Variants in MRPL19 observed in about 807,000 individuals in gnomAD.
The protein encoded by MRPL19 is large ribosomal subunit protein bL19m.
Under a neutral mutation model 34.0 loss-of-function variants are expected in MRPL19, and 31 were observed. The observed-to-expected ratio is 0.91, with a 90% confidence interval of 0.68 to 1.23. MRPL19 has a LOEUF of 1.23. Among genes scored for constraint, MRPL19 ranks in the 50% most tolerant of loss-of-function variants. MRPL19 has a pLI of 0.00. For synonymous variants in MRPL19, 152 were observed against 127.7 expected (o/e 1.19, Z -1.28); for missense variants, 384 against 367.6 (o/e 1.04, Z -0.37).
At chr2:75,646,955 G>T in intron 1 of MRPL19, 45 bp downstream of exon 1, 1 of 1,518,342 alleles carries the variant, frequency 6.6e-7, no homozygotes, top group East Asian at 2.4e-5. Context: ...TAGGGGCCCA[G>T]GGTCAGGATG....
At chr2:75,654,662 G>T in intron 4 of MRPL19, 74 bp from the exon 5 acceptor site, 1 of 1,346,074 alleles carries the variant, frequency 7.4e-7, no homozygotes, top group Non-Finnish European at 1.0e-6. Flanking sequence ...TTTATGAAAT[G>T]CTTTTACTGC....
In MRPL19 at chr2:75,647,109, C is replaced by A. The variant is rs1442701990; in HGVS notation, c.111C>A (p.His37Gln). The change falls in exon 2 of 6, where the codon CAC becomes CAA. Residue 37 changes from histidine (H) to glutamine (Q), a missense_variant. Coordinates refer to ENST00000393909, the MANE Select transcript of MRPL19 (RefSeq NM_014763.4). Reference protein sequence around the residue: ...PPPASIACRVHAGPVRQQSTG... With the variant: ...PPPASIACRVQAGPVRQQSTG... ...CGTCGTCCGCTCCCGCAGGGGTCCA[C>A]GCGGGGCCTGTCCGGCAGCAGAGCA... 1 of 1,585,822 alleles carries A rather than the reference C, an allele frequency of 6.3e-7. No homozygotes were observed. Among genetic ancestry groups the A allele is most frequent in the Non-Finnish European group, 8.6e-7 (1 of 1,165,516 alleles).
chr2:75,647,860 G>A (rs1350655120), intron 2 of MRPL19, among the ~76,000 whole-genome samples: 1 of 151,908 alleles, frequency 6.6e-6, no homozygotes, highest in African/African-American at 2.4e-5. Context: ...ATTATTGATT[G>A]GATTACTTCT....
At chr2:75,651,884 C>A (rs1678339264) in intron 2 of MRPL19, 2 of 262,820 alleles carry the variant, frequency 7.6e-6, no homozygotes, top group Admixed American at 1.0e-4. Flanking sequence ...GAGATGACAC[C>A]AAACCCACAT....
At chr2:75,653,614 T>C (rs1224471144) in intron 4 of MRPL19, among the ~76,000 whole-genome samples, 2 of 152,224 alleles carry the variant, frequency 1.3e-5, no homozygotes, top group African/African-American at 4.8e-5. Context: ...CACTGCTTCC[T>C]GCATTAGTGT....
rs1472400644 is a variant in MRPL19 at position 75,658,855 on chromosome 2, A to AT, written c.*3575dup. Among the ~76,000 whole-genome samples the AT allele has an allele frequency of 6.6e-6, 1 of 151,832 alleles. No individual in the cohort carries two copies. The highest frequency in any genetic ancestry group is 1.5e-5 in the Non-Finnish European group (1 of 67,978). On this transcript the variant is annotated 3_prime_UTR_variant, in exon 6 of 6. Transcript: ENST00000393909. ...GTTAAGGTTCTCTTTTTTTAAAAAA[A>AT]TTTTTGCACAGAGTATCTTTTTCTA...
chr2:75,646,830 G>A lies in MRPL19; in HGVS notation c.23G>A (p.Gly8Glu), dbSNP rs765286897. Residue 8 changes from glycine to glutamate, a missense_variant, in exon 1 of 6, where the codon GGG (glycine) becomes GAG (glutamate). Transcript: ENST00000393909. MAACIAA[G>E]HWAAMGLGRS... ...GGCATGGCGGCCTGCATTGCAGCGGGGCACTGGGCTGCAATGGGCCTAGGC... is the reference window on the plus strand; with the variant it reads ...GGCATGGCGGCCTGCATTGCAGCGGAGCACTGGGCTGCAATGGGCCTAGGC... The A allele has an allele frequency of 2.5e-6, 4 of 1,574,584 alleles. No homozygotes were observed. Among genetic ancestry groups the A allele is most frequent in the East Asian group, 2.3e-5 (1 of 43,712 alleles).
rs1276539403 is a variant in MRPL19, at chr2:75,657,971, A to C, written c.*2686A>C. 6.6e-6 allele frequency: 1 copy of C among 152,132 alleles called. No individual in the cohort carries two copies. Among genetic ancestry groups the C allele is most frequent in the Non-Finnish European group, 1.5e-5 (1 of 68,012 alleles). The allele number at this position is 152,132 out of a possible 1,614,324, so 9.4% of individuals were successfully genotyped here. On this transcript the variant is annotated 3_prime_UTR_variant, in exon 6 of 6. Transcript: ENST00000393909. ...AATTACATCACAATGTTGTGAAATT[A>C]TTACTACTATTTCCAAAATTTTCTC...
chr2:75,652,157 A>G lies in MRPL19; in HGVS notation c.237A>G (p.Glu79=), dbSNP rs752316584. The G allele has an allele frequency of 6.3e-7, 1 of 1,583,338 alleles. No individual in the cohort carries two copies. The highest frequency in any genetic ancestry group is 2.2e-5 in the East Asian group (1 of 44,582). Residue 79 remains glutamate (E), a synonymous_variant, in exon 3 of 6, where the codon GAA becomes GAG. Transcript: ENST00000393909. ...VEPERRFLSP[E]FIPRRGRTDP... The stretch of plus-strand genomic sequence containing the variant: ...TTTTTTACAGGTTCTTGAGTCCTGA[A>G]TTCATTCCTCGAAGGGGAAGAACAG...
intron 2 of MRPL19, among the ~76,000 whole-genome samples, chr2:75,648,083 A>G (rs1024473232): frequency 4.0e-5 from 6 of 151,558 alleles, no homozygotes; most frequent in African/African-American, 1.5e-4. Flanking sequence ...AAAATATTCC[A>G]CGGATTTAAA....
At chr2:75,646,951 C>G (rs769508174) in intron 1 of MRPL19, 41 bp downstream of exon 1, 1 of 1,526,728 alleles carries the variant, frequency 6.5e-7, no homozygotes. Context: ...GCGTTAGGGG[C>G]CCAGGGTCAG....
At chr2:75,650,436 C>T (rs3771872) in intron 2 of MRPL19, among the ~76,000 whole-genome samples, 15,242 of 152,158 alleles carry the variant, frequency 0.1, 802 homozygotes, top group Non-Finnish European at 0.13. Flanking sequence ...GAACCAGCAA[C>T]TTAGGGAAAT....
chr2:75,647,271 A>AC, intron 2 of MRPL19, 52 bp downstream of exon 2: 1 of 1,512,258 alleles, frequency 6.6e-7, no homozygotes, highest in Non-Finnish European at 8.9e-7. Context: ...TGCGCGCGTG[A>AC]GCGCGTTCGC....
In MRPL19 at chr2:75,658,622, C is replaced by T. The variant is rs186444619; in HGVS notation, c.*3337C>T. ...TTTCTACATGTTTATGAATTTCCCA[C>T]TGTTTTTTTGTTATTGATTTCCAAG... On this transcript the variant is annotated 3_prime_UTR_variant, in exon 6 of 6. Transcript: ENST00000393909. Among the ~76,000 whole-genome samples the T allele has an allele frequency of 6.6e-6, 1 of 152,190 alleles. No individual in the cohort carries two copies. The highest frequency in any genetic ancestry group is 2.4e-5 in the African/African-American group (1 of 41,536).
chr2:75,652,050 C>T, intron 2 of MRPL19, 92 bp from the exon 3 acceptor site: 2 of 667,568 alleles, frequency 3.0e-6, no homozygotes, highest in Non-Finnish European at 5.0e-6. Context: ...TAAAATACAT[C>T]AATATCATAT....
intron 2 of MRPL19, chr2:75,651,249 C>T: frequency 2.1e-6 from 1 of 476,186 alleles, no homozygotes; most frequent in South Asian, 1.6e-5. Flanking sequence ...CACCTGTCAT[C>T]CAAGGAAGAG....
chr2:75,660,189 A>C lies in MRPL19; in HGVS notation c.*4904A>C, dbSNP rs886512693. ...ACTGTACTTTTCAGCTCCAAGATTT[A>C]TCTTTGGTTCCTTTTTATAACGTCT... On this transcript the variant is annotated 3_prime_UTR_variant, in exon 6 of 6. Coordinates refer to ENST00000393909, the MANE Select transcript of MRPL19 (RefSeq NM_014763.4). Among the ~76,000 whole-genome samples the C allele has an allele frequency of 6.6e-6, 1 of 151,682 alleles. No individual in the cohort carries two copies. The highest frequency in any genetic ancestry group is 6.6e-5 in the Admixed American group (1 of 15,250).
chr2:75,653,283 AG>A (rs1203346338), intron 4 of MRPL19, among the ~76,000 whole-genome samples: 1 of 152,258 alleles, frequency 6.6e-6, no homozygotes, highest in Non-Finnish European at 1.5e-5. Flanking sequence ...AAAATGTGAA[AG>A]CAGTTGCTGT....
In MRPL19 at chr2:75,647,122, C is replaced by T; in HGVS notation, c.124C>T (p.Arg42Trp). ...CGCAGGGGTCCACGCGGGGCCTGTC[C>T]GGCAGCAGAGCACTGGGCCTTCCGA... ...IACRVHAGPV[R>W]QQSTGPSEPG... The change falls in exon 2 of 6, where the codon CGG becomes TGG. Residue 42 changes from arginine to tryptophan, a missense_variant. Transcript: ENST00000393909. The T allele has an allele frequency of 1.3e-6, 2 of 1,586,414 alleles. No individual in the cohort carries two copies. Among genetic ancestry groups the T allele is most frequent in the Non-Finnish European group, 1.7e-6 (2 of 1,165,840 alleles).
Sources: gnomAD v4.1 joint callset for allele counts (sites outside exome capture counted in the v4.1 genomes callset) on GRCh38, gnomAD v4.1.1 for gene constraint, MANE v1.5 for transcripts, NCBI Gene and HGNC (gene_info 2026-07-23, HGNC 2026-07-21) for gene names.